The following GON4L variants were observed in gnomAD, a reference collection of about 807,000 sequenced individuals.
The protein encoded by GON4L is gon-4 like.
GON4L carries 87 observed loss-of-function variants against 211.8 expected under a neutral mutation model. The observed-to-expected ratio is 0.41, with a 90% CI of 0.35 to 0.49. The LOEUF is 0.49. Among genes scored for constraint, GON4L ranks in the 20% least tolerant of loss-of-function variants. The probability of loss-of-function intolerance (pLI) is 0.15; values close to 1 mark genes in which losing one functional copy is unlikely to be tolerated. For missense variants in GON4L, 2,155 were observed against 2,659.5 expected (o/e 0.81, Z 4.17); for synonymous variants, 875 against 962.6 (o/e 0.91, Z 1.68).
intron 6 of GON4L, among the ~76,000 whole-genome samples, chr1:155,818,002 C>A (rs1377841380): frequency 1.3e-5 from 2 of 151,662 alleles, no homozygotes; most frequent in African/African-American, 4.8e-5. Flanking sequence ...GTAAACTATA[C>A]CGTCTTGGAT....
At chr1:155,821,170 G>A (rs1668702134) in intron 5 of GON4L, among the ~76,000 whole-genome samples, 1 of 152,080 alleles carries the variant, frequency 6.6e-6, no homozygotes, top group Non-Finnish European at 1.5e-5. Flanking sequence ...GGAGGCTGAG[G>A]CAGGACAATG....
At chr1:155,758,091 G>A in intron 24 of GON4L, 57 bp from the exon 25 acceptor site, 1 of 191,334 alleles carries the variant, frequency 5.2e-6, no homozygotes, top group Non-Finnish European at 1.0e-5. Context: ...AGCAGGACTT[G>A]AGGGTTCTAA....
chr1:155,754,379 C>G lies in GON4L; in HGVS notation c.5627G>C (p.Ser1876Thr), dbSNP rs1660931968. The G allele has an allele frequency of 6.3e-7, 1 of 1,594,030 alleles. No individual in the cohort carries two copies. The highest frequency in any genetic ancestry group is 8.6e-7 in the Non-Finnish European group (1 of 1,161,792). ...SKRRSCSHCSSKVCDSKSYKS... is the reference protein window; with the variant it reads ...SKRRSCSHCSTKVCDSKSYKS... Reference sequence around the variant, plus strand: ...GACCCTTGATACTTTCCTCACCTTGCTGCTACAGTGGCTACAGCTCCGCCT... The same window carrying G: ...GACCCTTGATACTTTCCTCACCTTGGTGCTACAGTGGCTACAGCTCCGCCT... Residue 1876 changes from serine (S) to threonine (T), a missense_variant, in exon 28 of 32, where the codon AGC becomes ACC. Physicochemically the swap from Ser to Thr is moderately conservative, Grantham distance 58 (BLOSUM62 1). Around this residue, in one of 6 missense-constraint regions of GON4L, gnomAD observed 455 missense variants for 504.6 expected, o/e 0.90. Coordinates refer to ENST00000368331, the MANE Select transcript of GON4L (RefSeq NM_001282860.2).
intron 6 of GON4L, 148 bp downstream of exon 6, chr1:155,820,458 T>C (rs532680910): frequency 4.0e-4 from 275 of 680,182 alleles, no homozygotes; most frequent in Non-Finnish European, 6.3e-4. Context: ...CTTATGATCA[T>C]GTAGAAACAA....
At chr1:155,750,936 A>G (rs1315919538) in intron 31 of GON4L, among the ~76,000 whole-genome samples, 5 of 151,828 alleles carry the variant, frequency 3.3e-5, no homozygotes. Flanking sequence ...ACTAGTTTTT[A>G]TATTTTTAGT....
At chr1:155,762,827 G>C (rs1012226170) in intron 22 of GON4L, among the ~76,000 whole-genome samples, 1 of 152,108 alleles carries the variant, frequency 6.6e-6, no homozygotes, top group Non-Finnish European at 1.5e-5. Context: ...CATAAGGTTA[G>C]GAGTTCGATA....
chr1:155,760,538 T>A lies in GON4L; in HGVS notation c.5015A>T (p.Tyr1672Phe), dbSNP rs1020748442. The A allele has an allele frequency of 1.9e-6, 3 of 1,613,188 alleles. No individual in the cohort carries two copies. Among genetic ancestry groups the A allele is most frequent in the Non-Finnish European group, 2.5e-6 (3 of 1,179,266 alleles). ...TTGGAGCAGAATTTGCAGGCTTTTG[T>A]AGAGATCTACAGCCGTCCGTCTCTG... Reference protein sequence around the residue: ...STQRRTAVDLYKSLQILLQDW... With the variant: ...STQRRTAVDLFKSLQILLQDW... The change falls in exon 24 of 32, where the codon TAC (tyrosine) becomes TTC (phenylalanine). Residue 1672 changes from tyrosine (Y) to phenylalanine (F), a missense_variant. Physicochemically the swap from Tyr to Phe is conservative, Grantham distance 22. Transcript: ENST00000368331.
Position 155,773,119 on chromosome 1 carries a change from G to C in GON4L, c.2442C>G (p.Ser814=). 6.2e-7 allele frequency: 1 copy of C among 1,613,138 alleles called. No homozygotes were observed. The highest frequency in any genetic ancestry group is 8.5e-7 in the Non-Finnish European group (1 of 1,179,924). ...FMYPELLPVC[S]LKAKNPQDKI... is the part of the protein sequence containing the mutation. The stretch of plus-strand genomic sequence containing the variant: ...TATCCTGGGGATTCTTTGCCTTCAG[G>C]GAACACACTGGAAGTAACTCTGGAT... The change falls in exon 18 of 32, where the codon TCC becomes TCG. Residue 814 remains serine (S), a synonymous_variant. Coordinates refer to ENST00000368331, the MANE Select transcript of GON4L (RefSeq NM_001282860.2).
intron 2 of GON4L, among the ~76,000 whole-genome samples, chr1:155,849,822 C>G (rs1248829576): frequency 6.7e-6 from 1 of 148,284 alleles, no homozygotes; most frequent in Non-Finnish European, 1.5e-5. Flanking sequence ...CTGTCCTATG[C>G]TTTGAATGTA....
At chr1:155,759,476 A>T (rs972211529) in intron 24 of GON4L, among the ~76,000 whole-genome samples, 13 of 152,202 alleles carry the variant, frequency 8.5e-5, no homozygotes, top group Admixed American at 2.0e-4. Flanking sequence ...CGGGAGGCTG[A>T]GGCAGGAAAA....
At chr1:155,816,616 A>G (rs1668260413) in intron 6 of GON4L, among the ~76,000 whole-genome samples, 1 of 152,112 alleles carries the variant, frequency 6.6e-6, no homozygotes, top group African/African-American at 2.4e-5. Context: ...AACCTAAGAT[A>G]TTTTGGTTAC....
chr1:155,775,261 T>C (rs1663662983), intron 16 of GON4L, 88 bp from the exon 17 acceptor site: 4 of 1,542,102 alleles, frequency 2.6e-6, no homozygotes, highest in African/African-American at 1.4e-5. Flanking sequence ...AAGCTGACCT[T>C]CCTACTACAG....
chr1:155,768,248 A>G (rs1054734181), intron 19 of GON4L, among the ~76,000 whole-genome samples: 10 of 147,254 alleles, frequency 6.8e-5, no homozygotes, highest in Admixed American at 2.8e-4. Context: ...GGTTGAGGTG[A>G]GCTGAGATCA....
intron 11 of GON4L, among the ~76,000 whole-genome samples, chr1:155,801,026 T>C (rs1450874267): frequency 1.3e-5 from 2 of 150,198 alleles, no homozygotes; most frequent in Middle Eastern, 3.2e-3. Flanking sequence ...GTTAGAACTA[T>C]CTGTCCTTGG....
intron 8 of GON4L, 50 bp from the exon 9 acceptor site, chr1:155,814,499 C>T (rs374295216): frequency 3.8e-6 from 6 of 1,583,708 alleles, no homozygotes; most frequent in Admixed American, 1.7e-5. Flanking sequence ...TACCTCATTC[C>T]ACAAAGTCTG....
chr1:155,754,336 C>T (rs1660927402), intron 28 of GON4L, 39 bp downstream of exon 28: 1 of 1,185,760 alleles, frequency 8.4e-7, no homozygotes, highest in Non-Finnish European at 1.3e-6. Flanking sequence ...AATCCCCCAG[C>T]AGCTCTGATA....
At chr1:155,808,795 A>G (rs1207859256) in intron 10 of GON4L, among the ~76,000 whole-genome samples, 1 of 151,852 alleles carries the variant, frequency 6.6e-6, no homozygotes, top group Non-Finnish European at 1.5e-5. Flanking sequence ...TTTTTTTGGT[A>G]GGGACAAGGT....
intron 2 of GON4L, among the ~76,000 whole-genome samples, chr1:155,848,609 A>C (rs185575586): frequency 2.6e-5 from 4 of 152,352 alleles, no homozygotes; most frequent in African/African-American, 9.6e-5. Flanking sequence ...AATCCTGTGA[A>C]TCCTTCAAGC....
At chr1:155,780,048 C>G (rs764464107) in intron 14 of GON4L, among the ~76,000 whole-genome samples, 21 of 152,146 alleles carry the variant, frequency 1.4e-4, no homozygotes, top group Middle Eastern at 3.4e-3. Context: ...ATCCACCTGC[C>G]TTGGCCTCCC....
Sources: gnomAD v4.1 joint callset for allele counts (sites outside exome capture counted in the v4.1 genomes callset) on GRCh38, gnomAD v4.1.1 for gene constraint, gnomAD v4.1.1 regional missense constraint, MANE v1.5 for transcripts, NCBI Gene and HGNC (gene_info 2026-07-23, HGNC 2026-07-21) for gene names.